Variants in PLBD2 observed in about 807,000 individuals in gnomAD.
PLBD2 encodes putative aminopeptidase PLBD2.
PLBD2 carries 51 observed loss-of-function variants against 68.3 expected under a neutral mutation model. That is an observed-to-expected ratio of 0.75 (90% CI 0.60 to 0.94). PLBD2 has a LOEUF of 0.94. Among genes scored for constraint, PLBD2 ranks in the 40% least tolerant of loss-of-function variants. The pLI is 0.00. For missense variants in PLBD2, 729 were observed against 792.2 expected, an observed-to-expected ratio of 0.92 and a Z score of 0.96; for synonymous variants, 314 against 339.3, an observed-to-expected ratio of 0.93 and a Z score of 0.82.
intron 2 of PLBD2, among the ~76,000 whole-genome samples, chr12:113,371,753 C>T: frequency 6.6e-6 from 1 of 152,226 alleles, no homozygotes; most frequent in South Asian, 2.1e-4. Flanking sequence ...GATGGGCAGG[C>T]TTGGGCCCAG....
Position 113,358,801 on chromosome 12 carries a change from C to A in PLBD2, c.201C>A (p.Asp67Glu), listed in dbSNP as rs745435969. ...PASRSRSVLL[D>E]VSAGQLLMVD... Reference sequence around the variant, plus strand: ...CCCGCAGCCGCTCGGTGCTCCTGGACGTCTCGGCGGGCCAGCTGCTTATGG... The same window carrying A: ...CCCGCAGCCGCTCGGTGCTCCTGGAAGTCTCGGCGGGCCAGCTGCTTATGG... Residue 67 changes from aspartate to glutamate, a missense_variant, in exon 1 of 12, where the codon GAC (aspartate) becomes GAA (glutamate). Asp to Glu is a conservative substitution (Grantham distance 45). Coordinates refer to ENST00000280800, the MANE Select transcript of PLBD2 (RefSeq NM_173542.4). 1 of 1,491,088 alleles carries A rather than the reference C, an allele frequency of 6.7e-7. No homozygotes were observed. The highest frequency in any genetic ancestry group is 8.9e-7 in the Non-Finnish European group (1 of 1,123,952). The allele number at this position is 1,491,088 out of a possible 1,614,324, so 92.4% of individuals were successfully genotyped here. A position where few individuals can be genotyped will look rare whatever the true frequency, so the allele number is the denominator to read the frequency against.
chr12:113,386,514 G>A (rs898277938), intron 9 of PLBD2, among the ~76,000 whole-genome samples: 29 of 148,072 alleles, frequency 2.0e-4, no homozygotes, highest in African/African-American at 7.1e-4. Context: ...CCACCACGCC[G>A]GCTAATTTTT....
At position 113,384,734 on chromosome 12, in the gene PLBD2, C is replaced by T. The variant is rs773090580; in HGVS notation, c.1119-117C>T. The T allele has an allele frequency of 1.1e-4, 87 of 774,754 alleles. No individual in the cohort carries two copies. The highest frequency in any genetic ancestry group is 1.8e-4 in the Non-Finnish European group (85 of 463,790). The allele number at this position is 774,754 out of a possible 1,614,324, so 48.0% of individuals were successfully genotyped here. A position where few individuals can be genotyped will look rare whatever the true frequency, so the allele number is the denominator to read the frequency against. ...CAGCGTCAGGGTGTCAGTTGAATGG[C>T]TGGACAACCCCAGGCCCACTTCCTG... On this transcript the variant is annotated intron_variant, in intron 7 of 11. Coordinates refer to ENST00000280800, the MANE Select transcript of PLBD2 (RefSeq NM_173542.4). This position sits in a 1 kb window ranked among gnomAD's most constrained non-coding sequence, Gnocchi z 4.2.
In PLBD2 at chr12:113,372,700, G is replaced by A. The variant is rs995152986; in HGVS notation, c.436G>A (p.Glu146Lys). ...GGTGGTGAATTACTGCGGCCCCTTC[G>A]AGTATGAAGTCGGCTACTGCGAGAG... is the stretch of plus-strand genomic sequence containing the variant. ...NTVVNYCGPF[E>K]YEVGYCERLK... The change falls in exon 3 of 12, where the codon GAG becomes AAG. Residue 146 changes from glutamate to lysine, a missense_variant. Coordinates refer to ENST00000280800, the MANE Select transcript of PLBD2 (RefSeq NM_173542.4). The surrounding 1 kb of genome is among the most constrained non-coding windows in gnomAD (Gnocchi z 4.2). 19 of 1,613,962 alleles carry A rather than the reference G, an allele frequency of 1.2e-5. No homozygotes were observed. The highest frequency in any genetic ancestry group is 1.4e-5 in the Non-Finnish European group (17 of 1,180,032).
intron 1 of PLBD2, among the ~76,000 whole-genome samples, chr12:113,366,791 C>T (rs986448316): frequency 6.7e-6 from 1 of 149,354 alleles, no homozygotes; most frequent in African/African-American, 2.5e-5. Flanking sequence ...TCCTTCCCTC[C>T]TCCTCCTCTC....
chr12:113,382,644 T>C (rs945232170), intron 6 of PLBD2, among the ~76,000 whole-genome samples: 1 of 151,946 alleles, frequency 6.6e-6, no homozygotes, highest in African/African-American at 2.4e-5. Context: ...GGTTTTGCCA[T>C]GTTACCCAGG....
chr12:113,364,635 A>G (rs945981195), intron 1 of PLBD2, among the ~76,000 whole-genome samples: 3 of 151,614 alleles, frequency 2.0e-5, no homozygotes, highest in African/African-American at 7.3e-5. Flanking sequence ...TTTATTTTGT[A>G]TTTTTTGTAG....
At position 113,374,847 on chromosome 12, in the gene PLBD2, C is replaced by T; in HGVS notation, c.699C>T (p.Thr233=). The part of the protein sequence containing the change: ...LEDLELALNK[T]KIKPSLGSGS... ...ACCTGGAGCTGGCCCTGAACAAGAC[C>T]AAGATCAAACCTTCTCTGGGCTCTG... Residue 233 remains threonine (T), a synonymous_variant, in exon 5 of 12, where the codon ACC becomes ACT. Transcript: ENST00000280800. The T allele has an allele frequency of 6.2e-7, 1 of 1,613,928 alleles. No individual in the cohort carries two copies. Among genetic ancestry groups the T allele is most frequent in the Non-Finnish European group, 8.5e-7 (1 of 1,180,032 alleles).
At position 113,385,288 on chromosome 12, in the gene PLBD2, G is replaced by A. The variant is rs758131657; in HGVS notation, c.1286+5G>A. ...CTGGGCCAGCTACAACATACCGTGCGTGCCTTCTCACTCCGCTCCCCGTCA... is the reference window on the plus strand; with the variant it reads ...CTGGGCCAGCTACAACATACCGTGCATGCCTTCTCACTCCGCTCCCCGTCA... On this transcript the variant is annotated splice_donor_5th_base_variant and intron_variant, in intron 9 of 11. Coordinates refer to ENST00000280800, the MANE Select transcript of PLBD2 (RefSeq NM_173542.4). The A allele has an allele frequency of 9.3e-6, 15 of 1,613,506 alleles. No homozygotes were observed. Among genetic ancestry groups the A allele is most frequent in the South Asian group, 6.6e-5 (6 of 91,074 alleles).
chr12:113,369,039 T>G, intron 1 of PLBD2, 77 bp from the exon 2 acceptor site: 1 of 956,102 alleles, frequency 1.0e-6, no homozygotes, highest in South Asian at 1.6e-5. Flanking sequence ...GTTGTTTTCA[T>G]AGTTTAAGCC....
intron 1 of PLBD2, among the ~76,000 whole-genome samples, chr12:113,360,725 G>T (rs1957284682): frequency 6.6e-6 from 1 of 152,202 alleles, no homozygotes; most frequent in Admixed American, 6.5e-5. Context: ...GCACGATATT[G>T]GCTCACTGCA....
intron 5 of PLBD2, 80 bp from the exon 6 acceptor site, chr12:113,380,665 C>G: frequency 3.4e-6 from 4 of 1,173,082 alleles, no homozygotes; most frequent in Non-Finnish European, 4.9e-6. Flanking sequence ...GCCCCTGTGC[C>G]TGTGTCTTGT....
intron 1 of PLBD2, among the ~76,000 whole-genome samples, chr12:113,365,018 A>G (rs1037904803): frequency 1.3e-5 from 2 of 152,042 alleles, no homozygotes; most frequent in African/African-American, 4.8e-5. Context: ...TTAAAAATCT[A>G]ATTTTTTCCC....
chr12:113,360,878 A>G (rs1957286338), intron 1 of PLBD2, among the ~76,000 whole-genome samples: 2 of 151,260 alleles, frequency 1.3e-5, no homozygotes, highest in South Asian at 4.2e-4. Flanking sequence ...CTGGTCTCAA[A>G]CTCCTGACTT....
At chr12:113,388,414 G>A (rs773832927) in intron 11 of PLBD2, 45 bp from the exon 12 acceptor site, 1 of 1,480,966 alleles carries the variant, frequency 6.8e-7, no homozygotes, top group Non-Finnish European at 8.9e-7. Context: ...CTGGATTGGG[G>A]CAGGCCAGGA....
intron 8 of PLBD2, 96 bp downstream of exon 8, chr12:113,385,042 G>A (rs535918532): frequency 1.9e-5 from 26 of 1,352,608 alleles, no homozygotes; most frequent in Non-Finnish European, 2.6e-5. Flanking sequence ...GGAAGTGAAC[G>A]ATCTCAGGAG....
intron 10 of PLBD2, among the ~76,000 whole-genome samples, chr12:113,387,464 A>G (rs71467903): frequency 6.6e-6 from 1 of 152,194 alleles, no homozygotes; most frequent in African/African-American, 2.4e-5. Flanking sequence ...AAGAGAGGCT[A>G]TCCAGGAACA....
rs1957578223 is a variant in PLBD2, at chr12:113,388,722, G to C, written c.*96G>C. 1.5e-6 allele frequency: 2 copies of C among 1,337,008 alleles called. No homozygotes were observed. The highest frequency in any genetic ancestry group is 1.9e-4 in the Middle Eastern group (1 of 5,230). 82.8% of individuals were successfully genotyped at this position (1,337,008 alleles called of 1,614,324 possible). A position where few individuals can be genotyped will look rare whatever the true frequency, so the allele number is the denominator to read the frequency against. ...CGGACTTCTAACTCCAGCCCCTCCTGGGGGCTTCGTTCTCTGATCTGGGGT... is the reference window on the plus strand; with the variant it reads ...CGGACTTCTAACTCCAGCCCCTCCTCGGGGCTTCGTTCTCTGATCTGGGGT... On this transcript the variant is annotated 3_prime_UTR_variant, in exon 12 of 12. Transcript: ENST00000280800.
intron 2 of PLBD2, 100 bp downstream of exon 2, chr12:113,369,309 C>G: frequency 1.2e-6 from 1 of 816,668 alleles, no homozygotes; most frequent in Non-Finnish European, 1.8e-6. Flanking sequence ...AGGCCCCCAA[C>G]TCCTGCCACA....
Sources: allele counts gnomAD v4.1 joint callset (sites outside exome capture counted in the v4.1 genomes callset), GRCh38; gene constraint gnomAD v4.1.1; non-coding constraint Gnocchi (gnomAD v3.1); transcripts MANE v1.5; gene names NCBI Gene and HGNC (gene_info 2026-07-23, HGNC 2026-07-21).